CDH4: variants seen among roughly 807,000 people sequenced by gnomAD.
CDH4 encodes the protein cadherin-4.
In CDH4, 33 loss-of-function variants were observed where a neutral mutation model predicts 86.0. The ratio of observed to expected loss-of-function variants is 0.38; its 90% CI spans 0.29 to 0.51. The LOEUF is 0.51. Among genes scored for constraint, CDH4 ranks in the 20% least tolerant of loss-of-function variants. The pLI, the probability that CDH4 is intolerant of heterozygous loss-of-function variation, is 0.86. For missense variants in CDH4, 1,114 were observed against 1,307.4 expected (o/e 0.85, Z 2.28); for synonymous variants, 555 against 549.4 (o/e 1.01, Z -0.14).
chr20:61,533,601 C>T (rs1246961169), intron 2 of CDH4, among the ~76,000 whole-genome samples: 1 of 152,232 alleles, frequency 6.6e-6, no homozygotes, highest in Non-Finnish European at 1.5e-5. Flanking sequence ...CATGAGGGGC[C>T]CCTCTGGCTG....
At chr20:61,818,709 G>A (rs1412284058) in intron 4 of CDH4, among the ~76,000 whole-genome samples, 1 of 151,474 alleles carries the variant, frequency 6.6e-6, no homozygotes, top group Non-Finnish European at 1.5e-5. Flanking sequence ...AAAAAAAGCG[G>A]GAAGTTGCTC....
intron 2 of CDH4, among the ~76,000 whole-genome samples, chr20:61,464,048 T>C (rs555284950): frequency 5.0e-4 from 76 of 152,294 alleles, no homozygotes; most frequent in Non-Finnish European, 1.0e-3. Context: ...TGCATAATAA[T>C]GCAGTCACTG....
chr20:61,753,047 A>T (rs987553634), intron 3 of CDH4, among the ~76,000 whole-genome samples: 5 of 152,122 alleles, frequency 3.3e-5, no homozygotes, highest in Non-Finnish European at 7.3e-5. Context: ...AGGGCTACCT[A>T]ACTGTGTTTA....
At chr20:61,909,654 G>A (rs1052181597) in intron 8 of CDH4, among the ~76,000 whole-genome samples, 2 of 152,122 alleles carry the variant, frequency 1.3e-5, no homozygotes, top group African/African-American at 4.8e-5. Context: ...TTCTGAATAT[G>A]TCTGCGTCTT....
intron 2 of CDH4, among the ~76,000 whole-genome samples, chr20:61,401,276 A>G (rs1455585397): frequency 6.6e-6 from 1 of 152,224 alleles, no homozygotes; most frequent in Non-Finnish European, 1.5e-5. Flanking sequence ...TAAGTAGCCC[A>G]TGGGTCTTTG....
Position 61,550,521 on chromosome 20 carries a change from G to A in CDH4, c.170-193042G>A, listed in dbSNP as rs142584468. On this transcript the variant is annotated intron_variant, in intron 2 of 15. Transcript: ENST00000614565. ...CAGCTTCCAGGGCTCCCTGTAACTG[G>A]TCCCACCCCATCTACCCACCCCTCC... Among the ~76,000 whole-genome samples the A allele has an allele frequency of 5.2e-3, 790 of 152,224 alleles. 4 individuals carry two copies. Among genetic ancestry groups the A allele is most frequent in the African/African-American group, 0.018 (735 of 41,540 alleles).
Position 61,516,372 on chromosome 20 carries a change from C to T in CDH4, c.170-227191C>T, listed in dbSNP as rs1360900218. Among the ~76,000 whole-genome samples, 1 of 152,178 alleles carries T rather than the reference C, an allele frequency of 6.6e-6. No homozygotes were observed. Among genetic ancestry groups the T allele is most frequent in the Non-Finnish European group, 1.5e-5 (1 of 68,036 alleles). On this transcript the variant is annotated intron_variant, in intron 2 of 15. Coordinates refer to ENST00000614565, the MANE Select transcript of CDH4 (RefSeq NM_001794.5). This position sits in a 1 kb window ranked among gnomAD's most constrained non-coding sequence, Gnocchi z 4.0. Reference sequence around the variant, plus strand: ...GGGACCAACATCTGTCACACACATACAGAGCCCCCGTCGGACGCTGCATGA... The same window carrying T: ...GGGACCAACATCTGTCACACACATATAGAGCCCCCGTCGGACGCTGCATGA...
At chr20:61,769,574 C>G (rs1008848491) in intron 3 of CDH4, among the ~76,000 whole-genome samples, 6 of 152,196 alleles carry the variant, frequency 3.9e-5, no homozygotes, top group African/African-American at 1.2e-4. Context: ...GGTGCTCTGG[C>G]CTTGGGGTCA....
At chr20:61,646,877 C>G (rs2087066622) in intron 2 of CDH4, among the ~76,000 whole-genome samples, 1 of 152,230 alleles carries the variant, frequency 6.6e-6, no homozygotes, top group Non-Finnish European at 1.5e-5. Flanking sequence ...TTTTCTGATT[C>G]CAGTGTACTG....
At chr20:61,508,894 G>A (rs1012971051) in intron 2 of CDH4, among the ~76,000 whole-genome samples, 6 of 152,214 alleles carry the variant, frequency 3.9e-5, no homozygotes, top group Non-Finnish European at 7.3e-5. Flanking sequence ...GAATCAGGAA[G>A]CTGGGTTCCA....
intron 2 of CDH4, among the ~76,000 whole-genome samples, chr20:61,296,181 A>AGT (rs1397502010): frequency 1.5e-3 from 226 of 151,766 alleles, no homozygotes; most frequent in Middle Eastern, 6.8e-3. Context: ...AATAAGTATG[A>AGT]GTGTGTGCGT....
intron 2 of CDH4, among the ~76,000 whole-genome samples, chr20:61,635,588 A>G (rs568754850): frequency 6.6e-6 from 1 of 152,314 alleles, no homozygotes; most frequent in Admixed American, 6.5e-5. Flanking sequence ...ACAGGGCACA[A>G]GGGAACGAGG....
At chr20:61,360,257 C>T (rs181862885) in intron 2 of CDH4, among the ~76,000 whole-genome samples, 79 of 152,328 alleles carry the variant, frequency 5.2e-4, no homozygotes, top group African/African-American at 1.3e-3. Flanking sequence ...AAAGTGTGTT[C>T]CTTACCCTTG....
intron 2 of CDH4, among the ~76,000 whole-genome samples, chr20:61,327,869 C>G (rs764497667): frequency 2.0e-5 from 3 of 152,178 alleles, no homozygotes; most frequent in Non-Finnish European, 2.9e-5. Context: ...ATCCACAGAA[C>G]AGGACACCAG....
rs2055021346 is a variant in CDH4 at position 61,924,360 on chromosome 20, G to A, written c.1655G>A (p.Ser552Asn). The stretch of plus-strand genomic sequence containing the variant: ...TACTCAAAGCTGTCAGACCCAGCGA[G>A]CTGGCTGCACATCAATGCCACCAAC... ...VRYSKLSDPASWLHINATNGQ... is the reference protein window; with the variant it reads ...VRYSKLSDPANWLHINATNGQ... Residue 552 changes from serine (S) to asparagine (N), a missense_variant, in exon 11 of 16, where the codon AGC becomes AAC. Transcript: ENST00000614565. The A allele has an allele frequency of 6.2e-7, 1 of 1,613,646 alleles. No homozygotes were observed. Among genetic ancestry groups the A allele is most frequent in the Non-Finnish European group, 8.5e-7 (1 of 1,179,926 alleles).
chr20:61,303,441 C>T (rs771463999), intron 2 of CDH4, among the ~76,000 whole-genome samples: 5 of 136,164 alleles, frequency 3.7e-5, no homozygotes, highest in Non-Finnish European at 8.0e-5. Flanking sequence ...CGCCCTGCCC[C>T]GTCTGGCCCT....
chr20:61,635,775 A>T (rs2086940419), intron 2 of CDH4, among the ~76,000 whole-genome samples: 1 of 152,202 alleles, frequency 6.6e-6, no homozygotes, highest in Non-Finnish European at 1.5e-5. Flanking sequence ...CTAGGGCTGC[A>T]AGCACGTCTT....
In CDH4 at chr20:61,469,906, T is replaced by C. The variant is rs138361644; in HGVS notation, c.169+214969T>C. 5.8e-3 allele frequency among the ~76,000 whole-genome samples: 876 copies of C among 152,302 alleles called. 2 individuals carry two copies. Among genetic ancestry groups the C allele is most frequent in the Middle Eastern group, 0.02 (6 of 294 alleles). ...TTTGTTTCTGGGTTATCTCTTCTGT[T>C]CCATTGGCTTATGTGTCTGTTTTTA... On this transcript the variant is annotated intron_variant, in intron 2 of 15. Coordinates refer to ENST00000614565, the MANE Select transcript of CDH4 (RefSeq NM_001794.5).
chr20:61,458,059 CGGT>C (rs566907327), intron 2 of CDH4, among the ~76,000 whole-genome samples: 93 of 137,476 alleles, frequency 6.8e-4, no homozygotes, highest in African/African-American at 2.2e-3. Context: ...GTGGTGGCAG[CGGT>C]GGTGGTGGTG....
Sources: gnomAD v4.1 joint callset for allele counts (sites outside exome capture counted in the v4.1 genomes callset) on GRCh38, gnomAD v4.1.1 for gene constraint, Gnocchi (gnomAD v3.1) non-coding constraint, MANE v1.5 for transcripts, NCBI Gene and HGNC (gene_info 2026-07-23, HGNC 2026-07-21) for gene names.